NAA25: variants seen among roughly 807,000 people sequenced by gnomAD.
The protein encoded by NAA25 is N-terminal acetyltransferase B complex subunit NAA25.
A neutral mutation model predicts 132.5 loss-of-function variants in NAA25; 30 were observed. The observed-to-expected ratio is 0.23, with a 90% CI of 0.17 to 0.31. The LOEUF (loss-of-function observed/expected upper bound fraction) is 0.31. Among genes scored for constraint, NAA25 ranks in the 10% least tolerant of loss-of-function variants. The pLI is 1.00. For missense variants in NAA25, 771 were observed against 1,150.4 expected (o/e 0.67, Z 4.77); for synonymous variants, 359 against 401.9 (o/e 0.89, Z 1.28).
chr12:112,027,193 CAA>C lies in NAA25; in HGVS notation c.*2336_*2337del, dbSNP rs1048812391. ...GTTTACCACACAAAAACAAACAAAA[CAA>C]AAAAACCCATACAAATCAAAAACAG... On this transcript the variant is annotated 3_prime_UTR_variant, in exon 24 of 24. Coordinates refer to ENST00000261745, the MANE Select transcript of NAA25 (RefSeq NM_024953.4). 1 of 152,164 alleles carries C rather than the reference CAA, an allele frequency of 6.6e-6. No individual in the cohort carries two copies. The highest frequency in any genetic ancestry group is 1.5e-5 in the Non-Finnish European group (1 of 67,926). 9.4% of individuals were successfully genotyped at this position (152,164 alleles called of 1,614,324 possible). A position where few individuals can be genotyped will look rare whatever the true frequency, so the allele number is the denominator to read the frequency against.
chr12:112,033,863 T>C (rs2136798138), intron 22 of NAA25: 1 of 151,568 alleles, frequency 6.6e-6, no homozygotes, highest in Middle Eastern at 3.4e-3. Flanking sequence ...GCTCAACACA[T>C]ATAAATAGGA....
At chr12:112,074,792 G>T (rs375703160) in intron 8 of NAA25, 28 bp from the exon 9 acceptor site, 3 of 1,418,284 alleles carry the variant, frequency 2.1e-6, no homozygotes, top group Middle Eastern at 1.8e-4. Flanking sequence ...GATGCACACA[G>T]GATTAAACCC....
intron 1 of NAA25, among the ~76,000 whole-genome samples, chr12:112,104,098 C>T (rs1320582982): frequency 6.6e-6 from 1 of 152,166 alleles, no homozygotes; most frequent in Non-Finnish European, 1.5e-5. Context: ...AGAGAAATGT[C>T]CTAACTCAGC....
intron 17 of NAA25, among the ~76,000 whole-genome samples, chr12:112,045,354 G>A (rs184597701): frequency 8.5e-5 from 13 of 152,172 alleles, no homozygotes; most frequent in East Asian, 1.9e-4. Flanking sequence ...TTAGCCGGCC[G>A]TGGTGGCACA....
intron 13 of NAA25, among the ~76,000 whole-genome samples, chr12:112,059,060 C>A (rs958424884): frequency 9.5e-6 from 1 of 105,072 alleles, no homozygotes; most frequent in African/African-American, 3.8e-5. Flanking sequence ...GGCGACAGAG[C>A]GAGACTCCAT....
chr12:112,079,074 G>A (rs942055343), intron 5 of NAA25, among the ~76,000 whole-genome samples: 1 of 152,138 alleles, frequency 6.6e-6, no homozygotes, highest in Non-Finnish European at 1.5e-5. Context: ...GGTATTTGAA[G>A]AGGAAAGCCT....
chr12:112,061,113 T>G, intron 12 of NAA25, 68 bp downstream of exon 12: 1 of 1,375,500 alleles, frequency 7.3e-7, no homozygotes, highest in South Asian at 1.2e-5. Context: ...CTACAGGTGC[T>G]TAAAAAACTG....
chr12:112,061,129 T>A (rs2136859917), intron 12 of NAA25, 52 bp downstream of exon 12: 1 of 1,522,064 alleles, frequency 6.6e-7, no homozygotes, highest in African/African-American at 1.4e-5. Flanking sequence ...AACTGCCTTC[T>A]AAGTCTTAGT....
At chr12:112,093,459 T>G (rs985517061) in intron 1 of NAA25, among the ~76,000 whole-genome samples, 3 of 152,006 alleles carry the variant, frequency 2.0e-5, no homozygotes, top group Non-Finnish European at 4.4e-5. Flanking sequence ...GAGAATCGCT[T>G]GAACCTGGGA....
chr12:112,087,839 A>G, intron 3 of NAA25, 38 bp from the exon 4 acceptor site: 1 of 1,334,072 alleles, frequency 7.5e-7, no homozygotes, highest in Non-Finnish European at 1.1e-6. Flanking sequence ...TTATACTTCA[A>G]GAACATTCTA....
chr12:112,073,980 G>A (rs1181858885), intron 9 of NAA25, among the ~76,000 whole-genome samples: 1 of 152,052 alleles, frequency 6.6e-6, no homozygotes, highest in African/African-American at 2.4e-5. Flanking sequence ...TATATTTCAA[G>A]GCTGAAAAAT....
At chr12:112,108,001 CCA>C (rs1247720113) in intron 1 of NAA25, among the ~76,000 whole-genome samples, 1 of 152,164 alleles carries the variant, frequency 6.6e-6, no homozygotes, top group Non-Finnish European at 1.5e-5. Context: ...GCAGAGAAAA[CCA>C]CAGAGAAGCT....
In NAA25 at chr12:112,028,545, C is replaced by T. The variant is rs976195074; in HGVS notation, c.*986G>A. The T allele has an allele frequency of 6.6e-6, 1 of 151,968 alleles. No individual in the cohort carries two copies. The highest frequency in any genetic ancestry group is 2.4e-5 in the African/African-American group (1 of 41,358). The allele number at this position is 151,968 out of a possible 1,614,324, so 9.4% of individuals were successfully genotyped here. ...AAAACTTAAAGCCTAAGGCTAAATC[C>T]ATAATATTACATTCCTTCCTTCCCA... On this transcript the variant is annotated 3_prime_UTR_variant, in exon 24 of 24. Coordinates refer to ENST00000261745, the MANE Select transcript of NAA25 (RefSeq NM_024953.4).
At chr12:112,069,438 T>C (rs988837977) in intron 10 of NAA25, among the ~76,000 whole-genome samples, 1 of 152,090 alleles carries the variant, frequency 6.6e-6, no homozygotes, top group Non-Finnish European at 1.5e-5. Context: ...AGAAGGTGGA[T>C]GTTGCAGTGA....
At chr12:112,075,270 CCT>C (rs1282676180) in intron 8 of NAA25, among the ~76,000 whole-genome samples, 2 of 151,642 alleles carry the variant, frequency 1.3e-5, no homozygotes, top group Admixed American at 1.3e-4. Context: ...CTCACTGCAA[CCT>C]CTGCCTCCCA....
intron 3 of NAA25, 68 bp from the exon 4 acceptor site, chr12:112,087,869 C>G: frequency 9.5e-7 from 1 of 1,056,056 alleles, no homozygotes; most frequent in Non-Finnish European, 1.5e-6. Context: ...AATGTTCTTC[C>G]TATTTGGCAG....
chr12:112,047,664 C>T lies in NAA25; in HGVS notation c.2006+1G>A. 1 of 1,607,446 alleles carries T rather than the reference C, an allele frequency of 6.2e-7. No homozygotes were observed. The highest frequency in any genetic ancestry group is 8.5e-7 in the Non-Finnish European group (1 of 1,178,484). ...ATTGCTTGGGGTTAAATTCCAGTTACCTGTCTTTTGGATCCCAGCTGAAAA... is the reference window on the plus strand; with the variant it reads ...ATTGCTTGGGGTTAAATTCCAGTTATCTGTCTTTTGGATCCCAGCTGAAAA... On this transcript the variant is annotated splice_donor_variant, in intron 17 of 23. Coordinates refer to ENST00000261745, the MANE Select transcript of NAA25 (RefSeq NM_024953.4). LOFTEE classifies it high-confidence loss of function.
intron 13 of NAA25, among the ~76,000 whole-genome samples, 171 bp downstream of exon 13, chr12:112,060,099 G>A (rs142565183): frequency 4.6e-5 from 7 of 152,262 alleles, no homozygotes; most frequent in East Asian, 3.9e-4. Flanking sequence ...ATGAGCCATC[G>A]CACCTGGCCA....
At chr12:112,086,073 T>TACACACACACAC (rs1555238727) in intron 4 of NAA25, among the ~76,000 whole-genome samples, 11 of 53,984 alleles carry the variant, frequency 2.0e-4, no homozygotes, top group African/African-American at 1.2e-3. Flanking sequence ...TATATATATA[T>TACACACACACAC]ACACACACAC....
Sources: allele counts gnomAD v4.1 joint callset (sites outside exome capture counted in the v4.1 genomes callset), GRCh38; gene constraint gnomAD v4.1.1; transcripts MANE v1.5; gene names NCBI Gene and HGNC (gene_info 2026-07-23, HGNC 2026-07-21).